Variants in NWD2 observed in about 807,000 individuals in gnomAD.
NWD2 encodes NACHT and WD repeat domain containing 2, also known as NACHT and WD repeat domain-containing protein 2.
Under a neutral mutation model 132.7 loss-of-function variants are expected in NWD2, and 37 were observed. That is an observed-to-expected ratio of 0.28 (90% confidence interval 0.21 to 0.37). The LOEUF is 0.37. Among genes scored for constraint, NWD2 ranks in the 10% least tolerant of loss-of-function variants. The pLI is 1.00. For missense variants in NWD2, 1,592 were observed against 2,122.4 expected, an observed-to-expected ratio of 0.75 and a Z score of 4.91; for synonymous variants, 705 against 803.0, an observed-to-expected ratio of 0.88 and a Z score of 2.06.
chr4:37,250,164 A>C (rs1717329280), intron 1 of NWD2, among the ~76,000 whole-genome samples: 1 of 143,854 alleles, frequency 7.0e-6, no homozygotes, highest in Non-Finnish European at 1.5e-5. Context: ...GTGTATACAC[A>C]CACACACACA....
intron 1 of NWD2, among the ~76,000 whole-genome samples, chr4:37,312,381 C>A (rs1045093200): frequency 1.3e-5 from 2 of 150,630 alleles, no homozygotes; most frequent in Non-Finnish European, 2.9e-5. Context: ...ATTTTATTCT[C>A]TTTGAAGCAA....
chr4:37,326,069 A>T (rs1425066789), intron 2 of NWD2, 45 bp downstream of exon 2: 1 of 1,227,712 alleles, frequency 8.1e-7, no homozygotes, highest in Non-Finnish European at 1.2e-6. Flanking sequence ...CCAGTTAAAT[A>T]ACTAGTGTTT....
In NWD2 at chr4:37,430,649, T is replaced by C; in HGVS notation, c.435T>C (p.Asp145=). ...CCTCAGAGTTTGAAATGATTTTGGA[T>C]GCCGCCATAGAGGCAAAGCTGGAGA... ...VEASEFEMIL[D]AAIEAKLETK... is the part of the protein sequence containing the mutation. The change falls in exon 4 of 7, where the codon GAT becomes GAC. Residue 145 remains aspartate (D), a synonymous_variant. Coordinates refer to ENST00000309447, the MANE Select transcript of NWD2 (RefSeq NM_001144990.2). 1.3e-6 allele frequency: 2 copies of C among 1,551,564 alleles called. 1 individual carries two copies. Among genetic ancestry groups the C allele is most frequent in the South Asian group, 2.4e-5 (2 of 84,058 alleles).
chr4:37,355,264 T>G lies in NWD2; in HGVS notation c.241-1102T>G, dbSNP rs561498113. 9.2e-5 allele frequency among the ~76,000 whole-genome samples: 14 copies of G among 152,250 alleles called. No homozygotes were observed. The South Asian group carries it at 2.9e-3, about 32-fold the overall frequency. Reference sequence around the variant, plus strand: ...AGATTAAAGCATAGAGCCCCCAAAATCAAAATGCTGATATTTTCATATATG... The same window carrying G: ...AGATTAAAGCATAGAGCCCCCAAAAGCAAAATGCTGATATTTTCATATATG... On this transcript the variant is annotated intron_variant, in intron 2 of 6. Transcript: ENST00000309447.
chr4:37,394,799 G>GTTTGTT (rs1720746980), intron 3 of NWD2, among the ~76,000 whole-genome samples: 2 of 52,596 alleles, frequency 3.8e-5, no homozygotes, highest in African/African-American at 7.7e-5. Flanking sequence ...AACCTTTATG[G>GTTTGTT]TTTTTTTTTT....
intron 3 of NWD2, among the ~76,000 whole-genome samples, chr4:37,405,721 A>G (rs761636125): frequency 6.6e-6 from 1 of 152,230 alleles, no homozygotes; most frequent in Non-Finnish European, 1.5e-5. Context: ...TAGATTAAAG[A>G]GTGAGGTCTA....
intron 2 of NWD2, among the ~76,000 whole-genome samples, chr4:37,338,898 G>A (rs998505465): frequency 2.0e-5 from 3 of 152,150 alleles, no homozygotes; most frequent in African/African-American, 4.8e-5. Flanking sequence ...ACCAAAATAC[G>A]TAACTGGCTT....
intron 1 of NWD2, among the ~76,000 whole-genome samples, chr4:37,303,911 A>G (rs1055453398): frequency 6.6e-6 from 1 of 152,148 alleles, no homozygotes; most frequent in African/African-American, 2.4e-5. Flanking sequence ...TTACTTTCCA[A>G]TGTGCATGCC....
intron 3 of NWD2, among the ~76,000 whole-genome samples, chr4:37,423,452 G>A (rs1711883057): frequency 1.3e-5 from 2 of 152,120 alleles, no homozygotes; most frequent in African/African-American, 4.8e-5. Flanking sequence ...TGCCATCTGC[G>A]GGCTGGAGGC....
intron 3 of NWD2, among the ~76,000 whole-genome samples, chr4:37,374,315 A>G (rs912030260): frequency 6.6e-6 from 1 of 152,224 alleles, no homozygotes; most frequent in African/African-American, 2.4e-5. Flanking sequence ...GACCAGAAGC[A>G]GATGCTGATG....
At chr4:37,313,968 T>G (rs944638666) in intron 1 of NWD2, among the ~76,000 whole-genome samples, 1 of 151,448 alleles carries the variant, frequency 6.6e-6, no homozygotes, top group African/African-American at 2.5e-5. Flanking sequence ...AGTACTGAGA[T>G]TACAGGCGTG....
chr4:37,349,092 T>C (rs1719711348), intron 2 of NWD2, among the ~76,000 whole-genome samples: 1 of 152,104 alleles, frequency 6.6e-6, no homozygotes, highest in South Asian at 2.1e-4. Flanking sequence ...CTGATGGGCA[T>C]TCGGGTTGGT....
rs1271515368 is a variant in NWD2 at position 37,448,975 on chromosome 4, T to G, written c.*1758T>G. On this transcript the variant is annotated 3_prime_UTR_variant, in exon 7 of 7. Transcript: ENST00000309447. ...CAGATAAAAATACCCAGGTCCATAGTGAAAGATGTTTTTCAGTATGTTACT... is the reference window on the plus strand; with the variant it reads ...CAGATAAAAATACCCAGGTCCATAGGGAAAGATGTTTTTCAGTATGTTACT... 1 of 152,228 alleles carries G rather than the reference T, an allele frequency of 6.6e-6. No individual in the cohort carries two copies. The highest frequency in any genetic ancestry group is 6.5e-5 in the Admixed American group (1 of 15,288). 9.4% of individuals were successfully genotyped at this position (152,228 alleles called of 1,614,324 possible). A position where few individuals can be genotyped will look rare whatever the true frequency, so the allele number is the denominator to read the frequency against.
intron 3 of NWD2, among the ~76,000 whole-genome samples, chr4:37,428,655 C>T (rs1712071547): frequency 6.6e-6 from 1 of 152,204 alleles, no homozygotes; most frequent in Admixed American, 6.5e-5. Context: ...GTTCCAGGTC[C>T]ACACTGTGAG....
At position 37,247,613 on chromosome 4, in the gene NWD2, A is replaced by AT. The variant is rs34270482; in HGVS notation, c.151+2408dup. On this transcript the variant is annotated intron_variant, in intron 1 of 6. Coordinates refer to ENST00000309447, the MANE Select transcript of NWD2 (RefSeq NM_001144990.2). ...TGAAATAGATAATAGAATGAATAGA[A>AT]TTTTTTTTTTTTTGAGACAGAGTCT... Among the ~76,000 whole-genome samples, 121 of 148,328 alleles carry AT rather than the reference A, an allele frequency of 8.2e-4. No homozygotes were observed. The Middle Eastern group carries it at 0.011, about 13-fold the overall frequency.
chr4:37,330,789 G>A (rs1301446396), intron 2 of NWD2, among the ~76,000 whole-genome samples: 6 of 150,402 alleles, frequency 4.0e-5, no homozygotes, highest in Admixed American at 6.6e-5. Context: ...GAGTATTTCT[G>A]TACAATACCA....
intron 1 of NWD2, among the ~76,000 whole-genome samples, chr4:37,255,836 G>A (rs1003335996): frequency 6.6e-6 from 1 of 152,128 alleles, no homozygotes; most frequent in Admixed American, 6.6e-5. Context: ...ACATTTCCTG[G>A]TTAAGGTTAC....
chr4:37,397,060 T>C (rs1720806000), intron 3 of NWD2, among the ~76,000 whole-genome samples: 9 of 151,360 alleles, frequency 5.9e-5, no homozygotes, highest in Admixed American at 5.9e-4. Flanking sequence ...GCAACTCCTC[T>C]GGTTTCCTGG....
At chr4:37,351,014 A>T (rs573783831) in intron 2 of NWD2, among the ~76,000 whole-genome samples, 46 of 152,188 alleles carry the variant, frequency 3.0e-4, no homozygotes, top group African/African-American at 1.1e-3. Context: ...CCAGCCTTGC[A>T]TCCCAGGGAT....
Sources: gnomAD v4.1 joint callset for allele counts (sites outside exome capture counted in the v4.1 genomes callset) on GRCh38, gnomAD v4.1.1 for gene constraint, MANE v1.5 for transcripts, NCBI Gene and HGNC (gene_info 2026-07-23, HGNC 2026-07-21) for gene names.